Variants in DOCK3 observed in about 807,000 individuals in gnomAD.
DOCK3 encodes dedicator of cytokinesis protein 3.
DOCK3 carries 60 observed loss-of-function variants against 265.6 expected under a neutral mutation model. The observed-to-expected ratio is 0.23, with a 90% CI of 0.18 to 0.28. DOCK3 has a LOEUF of 0.28. Among genes scored for constraint, DOCK3 ranks in the 10% least tolerant of loss-of-function variants. The probability of loss-of-function intolerance (pLI) is 1.00; values close to 1 mark genes in which losing one functional copy is unlikely to be tolerated. For missense variants in DOCK3, 1,981 were observed against 2,594.3 expected (o/e 0.76, Z 5.14); for synonymous variants, 881 against 938.0 (o/e 0.94, Z 1.11).
At position 50,769,497 on chromosome 3, in the gene DOCK3, C is replaced by T. The variant is rs143908323; in HGVS notation, c.38-9178C>T. Reference sequence around the variant, plus strand: ...ACCTAGATGAAGATGCCCACTTTGACCACTCCTGTTCAACACAGTACTAGA... The same window carrying T: ...ACCTAGATGAAGATGCCCACTTTGATCACTCCTGTTCAACACAGTACTAGA... On this transcript the variant is annotated intron_variant, in intron 1 of 52. Coordinates refer to ENST00000266037, the MANE Select transcript of DOCK3 (RefSeq NM_004947.5). Among the ~76,000 whole-genome samples, 14 of 152,164 alleles carry T rather than the reference C, an allele frequency of 9.2e-5. No individual in the cohort carries two copies. In the East Asian group the frequency reaches 2.7e-3, roughly 29 times the overall value.
At chr3:51,241,322 A>G (rs1271857315) in intron 21 of DOCK3, among the ~76,000 whole-genome samples, 1 of 152,174 alleles carries the variant, frequency 6.6e-6, no homozygotes, top group East Asian at 1.9e-4. Context: ...TTTGTAGGTG[A>G]CCTGATCCTT....
intron 1 of DOCK3, among the ~76,000 whole-genome samples, chr3:50,737,829 G>A (rs147252113): frequency 2.0e-5 from 3 of 152,258 alleles, no homozygotes; most frequent in African/African-American, 7.2e-5. Context: ...TCAGTTGTCT[G>A]TGTTCCCCTG....
At chr3:50,913,229 TGTTTA>T (rs2049952180) in intron 4 of DOCK3, among the ~76,000 whole-genome samples, 2 of 152,102 alleles carry the variant, frequency 1.3e-5, no homozygotes, top group South Asian at 4.1e-4. Flanking sequence ...GGCCTGGGTA[TGTTTA>T]GTTTAGTAGG....
At chr3:51,031,735 G>C (rs1195410358) in intron 5 of DOCK3, among the ~76,000 whole-genome samples, 1 of 152,150 alleles carries the variant, frequency 6.6e-6, no homozygotes, top group East Asian at 1.9e-4. Context: ...AGTATTGGGG[G>C]TTAAAAGAAA....
chr3:50,982,602 G>C (rs2077734313), intron 5 of DOCK3, among the ~76,000 whole-genome samples: 2 of 152,194 alleles, frequency 1.3e-5, no homozygotes, highest in African/African-American at 4.8e-5. Context: ...CTCACCTGCT[G>C]CTGCTGCAGA....
intron 37 of DOCK3, among the ~76,000 whole-genome samples, chr3:51,339,795 T>C (rs1420927919): frequency 6.6e-6 from 1 of 152,204 alleles, no homozygotes; most frequent in Admixed American, 6.5e-5. Flanking sequence ...CATTATGTCT[T>C]AGCTCTTAGG....
At chr3:51,192,190 A>G (rs1219371529) in intron 12 of DOCK3, among the ~76,000 whole-genome samples, 1 of 151,164 alleles carries the variant, frequency 6.6e-6, no homozygotes, top group Non-Finnish European at 1.5e-5. Flanking sequence ...AGGTTTTCAA[A>G]CTTCTATTAT....
At chr3:51,067,459 G>A (rs894031340) in intron 6 of DOCK3, among the ~76,000 whole-genome samples, 8 of 151,764 alleles carry the variant, frequency 5.3e-5, no homozygotes, top group Middle Eastern at 3.2e-3. Context: ...GTGTGTGTGC[G>A]CGCGCGTTGG....
At chr3:51,146,042 G>GCGGC (rs2085284978) in intron 9 of DOCK3, among the ~76,000 whole-genome samples, 1 of 152,180 alleles carries the variant, frequency 6.6e-6, no homozygotes, top group Non-Finnish European at 1.5e-5. Flanking sequence ...CACCTGCTGT[G>GCGGC]CGGCCCAGTT....
At chr3:50,770,998 C>A (rs983760120) in intron 1 of DOCK3, among the ~76,000 whole-genome samples, 1 of 152,130 alleles carries the variant, frequency 6.6e-6, no homozygotes, top group African/African-American at 2.4e-5. Context: ...GAAGCTACTA[C>A]AAGAAAACAT....
chr3:50,850,021 G>C (rs1230669342), intron 3 of DOCK3, among the ~76,000 whole-genome samples: 1 of 151,892 alleles, frequency 6.6e-6, no homozygotes, highest in Non-Finnish European at 1.5e-5. Flanking sequence ...TTGAATTCTA[G>C]AAGCTCTGAT....
At chr3:51,280,665 G>A (rs1198564311) in intron 27 of DOCK3, among the ~76,000 whole-genome samples, 1 of 152,084 alleles carries the variant, frequency 6.6e-6, no homozygotes, top group Non-Finnish European at 1.5e-5. Context: ...CTCATTTGCT[G>A]CCAAACTCTG....
chr3:51,208,671 A>G, intron 12 of DOCK3, 103 bp from the exon 13 acceptor site: 1 of 870,176 alleles, frequency 1.1e-6, no homozygotes, highest in East Asian at 2.7e-5. Context: ...TCTTTAGGAA[A>G]GTGAGGGATC....
chr3:50,919,347 C>A (rs7650776), intron 4 of DOCK3, among the ~76,000 whole-genome samples: 3,061 of 152,200 alleles, frequency 0.02, 116 homozygotes, highest in African/African-American at 0.07. Context: ...ACCTTGGGCA[C>A]TATGGCCATT....
intron 5 of DOCK3, among the ~76,000 whole-genome samples, chr3:50,984,947 C>T (rs1348766365): frequency 1.3e-5 from 2 of 152,020 alleles, no homozygotes; most frequent in Admixed American, 6.6e-5. Context: ...AATACTGTGC[C>T]GTTTTATGTA....
chr3:50,924,247 G>A (rs909639892), intron 4 of DOCK3, among the ~76,000 whole-genome samples: 1 of 152,206 alleles, frequency 6.6e-6, no homozygotes. Context: ...CTGGACCCAT[G>A]TATTGTGGTT....
chr3:51,262,149 G>A (rs368830554), intron 23 of DOCK3, among the ~76,000 whole-genome samples: 5 of 152,176 alleles, frequency 3.3e-5, no homozygotes, highest in Admixed American at 6.5e-5. Context: ...GATGACAGAC[G>A]CCTCATACGG....
chr3:50,753,786 G>GAA (rs1303285174), intron 1 of DOCK3, among the ~76,000 whole-genome samples: 2 of 152,146 alleles, frequency 1.3e-5, no homozygotes, highest in African/African-American at 4.8e-5. Flanking sequence ...AAGTACTTCT[G>GAA]ATGATGGTTA....
rs531341312 is a variant in DOCK3 at position 50,710,136 on chromosome 3, C to A, written c.37+34836C>A. Among the ~76,000 whole-genome samples the A allele has an allele frequency of 3.3e-5, 5 of 152,142 alleles. No homozygotes were observed. In the East Asian group the frequency reaches 9.6e-4, roughly 29 times the overall value. ...GAGTTCTTGACCAAGAGCCCAAAAG[C>A]AAATGCAACAAAAATAAAAATAAAT... On this transcript the variant is annotated intron_variant, in intron 1 of 52. Transcript: ENST00000266037.
Sources: allele counts gnomAD v4.1 joint callset (sites outside exome capture counted in the v4.1 genomes callset), GRCh38; gene constraint gnomAD v4.1.1; transcripts MANE v1.5; gene names NCBI Gene and HGNC (gene_info 2026-07-23, HGNC 2026-07-21).